CADM2: variants seen among roughly 807,000 people sequenced by gnomAD.
The protein encoded by CADM2 is cell adhesion molecule 2.
Under a neutral mutation model 49.8 loss-of-function variants are expected in CADM2, and 12 were observed. The ratio of observed to expected loss-of-function variants is 0.24; its 90% confidence interval spans 0.15 to 0.39. The LOEUF (loss-of-function observed/expected upper bound fraction) is 0.39, where lower values mean the gene tolerates loss of function less well. Ranked by LOEUF, CADM2 falls within the 10% of genes least tolerant of loss-of-function variation. The probability of loss-of-function intolerance (pLI) is 1.00; values close to 1 mark genes in which losing one functional copy is unlikely to be tolerated. For synonymous variants in CADM2, 214 were observed against 175.4 expected (o/e 1.22, Z -1.74); for missense variants, 378 against 492.3 (o/e 0.77, Z 2.20).
intron 1 of CADM2, among the ~76,000 whole-genome samples, chr3:85,527,010 T>G (rs2061173989): frequency 6.6e-6 from 1 of 152,156 alleles, no homozygotes; most frequent in Non-Finnish European, 1.5e-5. Context: ...ATGTATATTT[T>G]AGTTTTAGAA....
chr3:85,378,030 AT>A (rs762375730), intron 1 of CADM2, among the ~76,000 whole-genome samples: 87 of 151,748 alleles, frequency 5.7e-4, no homozygotes, highest in Admixed American at 2.5e-3. Flanking sequence ...TTCAGGAATC[AT>A]TTTTTTTGCA....
intron 1 of CADM2, among the ~76,000 whole-genome samples, chr3:85,133,029 T>C (rs1167607760): frequency 6.6e-6 from 1 of 152,050 alleles, no homozygotes; most frequent in Non-Finnish European, 1.5e-5. Context: ...TGCAGACCTT[T>C]GCGGTGAGTG....
chr3:85,482,780 A>G (rs1030532005), intron 1 of CADM2, among the ~76,000 whole-genome samples: 3 of 151,598 alleles, frequency 2.0e-5, no homozygotes, highest in Non-Finnish European at 4.4e-5. Context: ...CCTTGAAAAT[A>G]TATATATAAT....
At chr3:85,234,350 AG>A (rs1366424027) in intron 1 of CADM2, among the ~76,000 whole-genome samples, 2 of 152,130 alleles carry the variant, frequency 1.3e-5, no homozygotes, top group Non-Finnish European at 2.9e-5. Flanking sequence ...TAGAATTTGA[AG>A]TTAGTACCTT....
At chr3:85,248,354 A>G (rs1201657576) in intron 1 of CADM2, among the ~76,000 whole-genome samples, 1 of 152,102 alleles carries the variant, frequency 6.6e-6, no homozygotes, top group Non-Finnish European at 1.5e-5. Context: ...CACTCACTGC[A>G]AACTCTGCCT....
intron 1 of CADM2, among the ~76,000 whole-genome samples, chr3:85,334,561 A>G (rs2045025510): frequency 6.6e-6 from 1 of 151,610 alleles, no homozygotes; most frequent in Non-Finnish European, 1.5e-5. Flanking sequence ...ACATATATTA[A>G]TGGGTAATCA....
At chr3:85,210,344 T>C (rs1321400695) in intron 1 of CADM2, among the ~76,000 whole-genome samples, 1 of 152,170 alleles carries the variant, frequency 6.6e-6, no homozygotes, top group East Asian at 1.9e-4. Context: ...ATGATGAATA[T>C]CTTTTTACTG....
chr3:85,062,010 A>C (rs920747552), intron 1 of CADM2, among the ~76,000 whole-genome samples: 42 of 151,380 alleles, frequency 2.8e-4, no homozygotes, highest in Admixed American at 2.5e-3. Flanking sequence ...ACATACACAC[A>C]TTCTGTCTCT....
intron 1 of CADM2, among the ~76,000 whole-genome samples, chr3:85,425,946 T>A (rs748301872): frequency 2.8e-4 from 42 of 152,232 alleles, no homozygotes; most frequent in Middle Eastern, 3.4e-3. Flanking sequence ...ATATGGAACA[T>A]GTTCTGCTAC....
intron 5 of CADM2, among the ~76,000 whole-genome samples, chr3:85,911,921 AT>A (rs34682818): frequency 0.11 from 15,978 of 150,606 alleles, 1,008 homozygotes; most frequent in East Asian, 0.17. Flanking sequence ...GAATTTTTTA[AT>A]TTTTTTTATT....
intron 1 of CADM2, among the ~76,000 whole-genome samples, chr3:85,521,549 C>A (rs1375501858): frequency 2.0e-5 from 3 of 152,204 alleles, no homozygotes; most frequent in Admixed American, 1.3e-4. Flanking sequence ...GAAAGCAATT[C>A]TTTTCTGTAA....
chr3:85,966,239 T>A (rs1189195668), intron 8 of CADM2, among the ~76,000 whole-genome samples: 1 of 151,698 alleles, frequency 6.6e-6, no homozygotes, highest in African/African-American at 2.4e-5. Flanking sequence ...CAATGGCAGG[T>A]CCAGATTGTA....
intron 2 of CADM2, among the ~76,000 whole-genome samples, chr3:85,778,924 A>G (rs1195568040): frequency 6.6e-6 from 1 of 152,198 alleles, no homozygotes; most frequent in African/African-American, 2.4e-5. Context: ...CAACACACAA[A>G]GATCTATTGG....
intron 8 of CADM2, among the ~76,000 whole-genome samples, chr3:85,997,332 G>A (rs1729551559): frequency 6.6e-6 from 1 of 152,116 alleles, no homozygotes; most frequent in Non-Finnish European, 1.5e-5. Flanking sequence ...CTTTAATACT[G>A]TGTCCTTGAT....
At chr3:85,944,224 A>C (rs188292213) in intron 7 of CADM2, among the ~76,000 whole-genome samples, 1 of 152,280 alleles carries the variant, frequency 6.6e-6, no homozygotes, top group Non-Finnish European at 1.5e-5. Flanking sequence ...AGAGCGAACT[A>C]TCCTAAATAT....
intron 7 of CADM2, among the ~76,000 whole-genome samples, chr3:85,940,225 G>C (rs1721719031): frequency 6.8e-6 from 1 of 147,542 alleles, no homozygotes; most frequent in South Asian, 2.1e-4. Flanking sequence ...TGTAATCCCA[G>C]CTACTGGGGA....
chr3:84,961,784 C>A (rs1217665078), intron 1 of CADM2, among the ~76,000 whole-genome samples: 1 of 152,220 alleles, frequency 6.6e-6, no homozygotes, highest in Non-Finnish European at 1.5e-5. Context: ...TCAATGCACA[C>A]ACTGCTGGGC....
At position 85,543,235 on chromosome 3, in the gene CADM2, TTTATTTATTTATTTATTTTTTATTTTTA is replaced by T. The variant is rs1399981740; in HGVS notation, c.62-183284_62-183257del. ...ATCTAAAGTTCCACAACTCTTTTTATTTATTTATTTATTTATTTTTTATTTTTATTTTTTTTGGAGACAGAGTCTTGCC... is the reference window on the plus strand; with the variant it reads ...ATCTAAAGTTCCACAACTCTTTTTATTTTTTTTTGGAGACAGAGTCTTGCC... On this transcript the variant is annotated intron_variant, in intron 1 of 9. Coordinates refer to ENST00000383699, the MANE Select transcript of CADM2 (RefSeq NM_001167675.2). Among the ~76,000 whole-genome samples, 84 of 43,406 alleles carry T rather than the reference TTTATTTATTTATTTATTTTTTATTTTTA, an allele frequency of 1.9e-3. 2 individuals are homozygous for T. The East Asian group carries it at 0.021, about 11-fold the overall frequency. 28.5% of individuals were successfully genotyped at this position (43,406 alleles called of 152,430 possible).
intron 1 of CADM2, among the ~76,000 whole-genome samples, chr3:85,214,714 A>G (rs1039095704): frequency 5.9e-5 from 9 of 151,954 alleles, no homozygotes; most frequent in African/African-American, 1.7e-4. Flanking sequence ...CAAGCAGAGC[A>G]GTCTCTCCCC....
Sources: allele counts gnomAD v4.1 joint callset (sites outside exome capture counted in the v4.1 genomes callset), GRCh38; gene constraint gnomAD v4.1.1; transcripts MANE v1.5; gene names NCBI Gene and HGNC (gene_info 2026-07-23, HGNC 2026-07-21).